Variants in TNR observed in about 807,000 individuals in gnomAD.
The protein encoded by TNR is tenascin-R.
Under a neutral mutation model 150.4 loss-of-function variants are expected in TNR, and 45 were observed. That is an observed-to-expected ratio of 0.30 (90% CI 0.24 to 0.38). The LOEUF (loss-of-function observed/expected upper bound fraction) is 0.38. Ranked by LOEUF, TNR falls within the 10% of genes least tolerant of loss-of-function variation. TNR has a pLI of 1.00. For synonymous variants in TNR, 687 were observed against 678.4 expected (o/e 1.01, Z -0.20); for missense variants, 1,544 against 1,759.1 (o/e 0.88, Z 2.19).
chr1:175,388,669 T>G lies in TNR; in HGVS notation c.1508-2368A>C, dbSNP rs375650216. On this transcript the variant is annotated intron_variant, in intron 7 of 22. Coordinates refer to ENST00000367674, the MANE Select transcript of TNR (RefSeq NM_003285.3). ...AGGAGGTATCAACTTGCTTTCAGCT[T>G]TGGTCCTAATTTCTAAACAAACACA... 4.6e-5 allele frequency among the ~76,000 whole-genome samples: 7 copies of G among 151,886 alleles called. No homozygotes were observed. The East Asian group carries it at 1.2e-3, about 25-fold the overall frequency.
chr1:175,405,297 T>C (rs1351558124), intron 3 of TNR, among the ~76,000 whole-genome samples: 1 of 152,238 alleles, frequency 6.6e-6, no homozygotes, highest in African/African-American at 2.4e-5. Context: ...GTGCTTTTAT[T>C]GTTAATAACT....
At chr1:175,526,687 T>G (rs1476938070) in intron 2 of TNR, among the ~76,000 whole-genome samples, 2 of 152,184 alleles carry the variant, frequency 1.3e-5, no homozygotes, top group Non-Finnish European at 2.9e-5. Context: ...GCTTTTAAAA[T>G]AAGCTGCTTC....
chr1:175,495,990 C>T (rs1212939557), intron 2 of TNR, among the ~76,000 whole-genome samples: 3 of 152,164 alleles, frequency 2.0e-5, no homozygotes, highest in African/African-American at 4.8e-5. Context: ...GATTATACTG[C>T]GGGGAGAGCC....
At chr1:175,720,612 A>G (rs568792473) in intron 1 of TNR, among the ~76,000 whole-genome samples, 21 of 152,348 alleles carry the variant, frequency 1.4e-4, no homozygotes, top group Non-Finnish European at 2.4e-4. Flanking sequence ...ACTATTTTAA[A>G]AGGCATAATG....
At position 175,329,322 on chromosome 1, in the gene TNR, T is replaced by C. The variant is rs143025395; in HGVS notation, c.3793+752A>G. The stretch of plus-strand genomic sequence containing the variant: ...TTGTGAAATGTGTTATAATAGAACA[T>C]GGGAAACAGATTGGCAAAGCCCAAG... On this transcript the variant is annotated intron_variant, in intron 21 of 22. Coordinates refer to ENST00000367674, the MANE Select transcript of TNR (RefSeq NM_003285.3). Among the ~76,000 whole-genome samples, 8 of 152,296 alleles carry C rather than the reference T, an allele frequency of 5.3e-5. No homozygotes were observed. In the East Asian group the frequency reaches 1.3e-3, roughly 26 times the overall value.
chr1:175,632,021 G>A (rs1336325088), intron 1 of TNR, among the ~76,000 whole-genome samples: 1 of 152,208 alleles, frequency 6.6e-6, no homozygotes, highest in Non-Finnish European at 1.5e-5. Context: ...TAGAGGAGAT[G>A]GGTAGGAGGA....
chr1:175,417,480 A>T (rs1376018846), intron 2 of TNR, among the ~76,000 whole-genome samples: 1 of 152,158 alleles, frequency 6.6e-6, no homozygotes, highest in East Asian at 1.9e-4. Context: ...TAATACATAC[A>T]CACTTGGTGT....
chr1:175,342,380 C>G (rs1048236407), intron 18 of TNR, among the ~76,000 whole-genome samples: 1 of 152,150 alleles, frequency 6.6e-6, no homozygotes, highest in African/African-American at 2.4e-5. Context: ...TGTTCCAGAC[C>G]TGTGCAAAAG....
chr1:175,704,624 G>A (rs1286695016), intron 1 of TNR, among the ~76,000 whole-genome samples: 1 of 152,186 alleles, frequency 6.6e-6, no homozygotes, highest in Non-Finnish European at 1.5e-5. Context: ...CAATGGGGAG[G>A]AGCAGGGGAG....
chr1:175,534,580 C>T (rs1660197310), intron 1 of TNR, among the ~76,000 whole-genome samples: 1 of 152,160 alleles, frequency 6.6e-6, no homozygotes, highest in Non-Finnish European at 1.5e-5. Flanking sequence ...CAGTTGGTAT[C>T]CTTTATCTAG....
intron 1 of TNR, among the ~76,000 whole-genome samples, chr1:175,704,676 T>C (rs1666798526): frequency 1.3e-5 from 2 of 152,136 alleles, no homozygotes; most frequent in Non-Finnish European, 2.9e-5. Context: ...AAGTAGAATC[T>C]CCTAATGGCT....
At position 175,365,025 on chromosome 1, in the gene TNR, C is replaced by A; in HGVS notation, c.2572G>T (p.Gly858Cys). 1 of 1,608,364 alleles carries A rather than the reference C, an allele frequency of 6.2e-7. No individual in the cohort carries two copies. The highest frequency in any genetic ancestry group is 8.5e-7 in the Non-Finnish European group (1 of 1,175,494). Residue 858 changes from glycine (G) to cysteine (C), a missense_variant, in exon 12 of 23, where the codon GGC becomes TGC. By Grantham distance (159) the Gly-to-Cys change is radical. Transcript: ENST00000367674. ...HGTVTSEPIV[G>C]SITTGIDPPK... ...CCAGCCTCACCTGTGGTGATGGAGC[C>A]CACAATGGGCTCAGAGGTCACTGTG...
chr1:175,596,610 T>C (rs908787663), intron 1 of TNR, among the ~76,000 whole-genome samples: 3 of 152,220 alleles, frequency 2.0e-5, no homozygotes, highest in South Asian at 2.1e-4. Flanking sequence ...AAAAAAATCA[T>C]TGAAATAATT....
intron 2 of TNR, among the ~76,000 whole-genome samples, chr1:175,516,322 C>T (rs929881497): frequency 6.6e-6 from 1 of 152,202 alleles, no homozygotes; most frequent in Non-Finnish European, 1.5e-5. Context: ...GAGGCAAGGT[C>T]CTGGTTTCCG....
chr1:175,430,993 C>A (rs1655238068), intron 2 of TNR, among the ~76,000 whole-genome samples: 1 of 152,110 alleles, frequency 6.6e-6, no homozygotes, highest in Non-Finnish European at 1.5e-5. Context: ...TGTTGCATAT[C>A]TATACATGGG....
At chr1:175,536,064 C>T (rs1247889981) in intron 1 of TNR, among the ~76,000 whole-genome samples, 1 of 152,126 alleles carries the variant, frequency 6.6e-6, no homozygotes, top group Non-Finnish European at 1.5e-5. Flanking sequence ...ATTAGACCTG[C>T]CAGCAGATCT....
At chr1:175,682,061 A>G (rs1666051910) in intron 1 of TNR, among the ~76,000 whole-genome samples, 2 of 152,298 alleles carry the variant, frequency 1.3e-5, no homozygotes, top group African/African-American at 4.8e-5. Flanking sequence ...GAATCAGTTA[A>G]GAGCTCAACA....
At chr1:175,449,360 G>A (rs1291148487) in intron 2 of TNR, among the ~76,000 whole-genome samples, 1 of 152,130 alleles carries the variant, frequency 6.6e-6, no homozygotes, top group Admixed American at 6.6e-5. Flanking sequence ...AAATTCCCAG[G>A]GTACCACAGG....
At chr1:175,394,292 G>A (rs887268315) in intron 5 of TNR, among the ~76,000 whole-genome samples, 3 of 152,072 alleles carry the variant, frequency 2.0e-5, no homozygotes, top group East Asian at 1.9e-4. Flanking sequence ...CAGGACTCCC[G>A]GGAGGTACTA....
Sources: gnomAD v4.1 joint callset for allele counts (sites outside exome capture counted in the v4.1 genomes callset) on GRCh38, gnomAD v4.1.1 for gene constraint, MANE v1.5 for transcripts, NCBI Gene and HGNC (gene_info 2026-07-23, HGNC 2026-07-21) for gene names.